The following PCDH9 variants were observed in gnomAD, a reference collection of about 807,000 sequenced individuals.
The protein encoded by PCDH9 is protocadherin 9.
A neutral mutation model predicts 70.6 loss-of-function variants in PCDH9; 24 were observed. The ratio of observed to expected loss-of-function variants is 0.34; its 90% CI spans 0.25 to 0.48. The LOEUF is 0.48. PCDH9 is among the 20% of genes least tolerant of loss of function. PCDH9 has a pLI of 0.99. For synonymous variants in PCDH9, 562 were observed against 558.5 expected, an observed-to-expected ratio of 1.01 and a Z score of -0.09; for missense variants, 1,281 against 1,503.6, an observed-to-expected ratio of 0.85 and a Z score of 2.45.
intron 2 of PCDH9, among the ~76,000 whole-genome samples, chr13:67,000,610 G>A (rs1594373690): frequency 6.6e-6 from 1 of 151,974 alleles, no homozygotes. Flanking sequence ...TTTTTATACA[G>A]TTAAACTAAA....
At chr13:66,701,704 T>C (rs553541490) in intron 3 of PCDH9, among the ~76,000 whole-genome samples, 1 of 152,320 alleles carries the variant, frequency 6.6e-6, no homozygotes, top group East Asian at 1.9e-4. Context: ...TTTTTTTCAG[T>C]AACAAGATAA....
intron 3 of PCDH9, among the ~76,000 whole-genome samples, chr13:66,778,970 T>C (rs1401320157): frequency 6.6e-6 from 1 of 152,214 alleles, no homozygotes; most frequent in Non-Finnish European, 1.5e-5. Context: ...TTCTTTCACA[T>C]TTTCTCATAT....
At chr13:67,113,330 C>G (rs1349271542) in intron 2 of PCDH9, among the ~76,000 whole-genome samples, 1 of 152,110 alleles carries the variant, frequency 6.6e-6, no homozygotes, top group Non-Finnish European at 1.5e-5. Flanking sequence ...CTGCATTTGT[C>G]CCTAGAAAAG....
intron 2 of PCDH9, among the ~76,000 whole-genome samples, chr13:67,191,101 T>C (rs2088897183): frequency 6.6e-6 from 1 of 152,116 alleles, no homozygotes. Flanking sequence ...CATATCATGA[T>C]GAATGTCTTG....
chr13:66,844,964 C>T (rs2081181238), intron 3 of PCDH9, among the ~76,000 whole-genome samples: 1 of 152,130 alleles, frequency 6.6e-6, no homozygotes, highest in African/African-American at 2.4e-5. Context: ...GTGCCTTTGC[C>T]TGAGTTTTGC....
chr13:66,559,155 AAT>A (rs753589129), intron 4 of PCDH9, among the ~76,000 whole-genome samples: 18 of 152,302 alleles, frequency 1.2e-4, no homozygotes, highest in South Asian at 6.2e-4. Flanking sequence ...AGGAGTAAAG[AAT>A]GAAAGATCTA....
intron 3 of PCDH9, among the ~76,000 whole-genome samples, chr13:66,714,661 G>C (rs1443701011): frequency 6.6e-6 from 1 of 152,052 alleles, no homozygotes; most frequent in Admixed American, 6.6e-5. Flanking sequence ...GAGTTAAGTT[G>C]AGATTATATT....
At chr13:66,382,251 T>TC (rs1229952329) in intron 4 of PCDH9, among the ~76,000 whole-genome samples, 1 of 152,188 alleles carries the variant, frequency 6.6e-6, no homozygotes, top group Non-Finnish European at 1.5e-5. Context: ...CTAATTCAAA[T>TC]CCAATGTGTA....
chr13:66,747,252 G>A (rs2079382303), intron 3 of PCDH9, among the ~76,000 whole-genome samples: 1 of 152,188 alleles, frequency 6.6e-6, no homozygotes, highest in African/African-American at 2.4e-5. Flanking sequence ...TCAGGAGGCT[G>A]AGGCAGGAGA....
chr13:66,368,850 T>C (rs553646081), intron 4 of PCDH9, among the ~76,000 whole-genome samples: 1 of 152,118 alleles, frequency 6.6e-6, no homozygotes, highest in South Asian at 2.1e-4. Flanking sequence ...AGAGAGCTTG[T>C]GCAGGGAAAC....
intron 3 of PCDH9, among the ~76,000 whole-genome samples, chr13:66,829,104 G>T (rs977532062): frequency 6.6e-6 from 1 of 152,000 alleles, no homozygotes. Flanking sequence ...TGCAACCTCC[G>T]CCTCCTGGGT....
intron 4 of PCDH9, among the ~76,000 whole-genome samples, chr13:66,561,983 C>T (rs1199506121): frequency 6.6e-6 from 1 of 152,068 alleles, no homozygotes; most frequent in Non-Finnish European, 1.5e-5. Flanking sequence ...CCACAAAGGT[C>T]TGCAGCTCCA....
At chr13:66,332,383 C>T in intron 4 of PCDH9, among the ~76,000 whole-genome samples, 1 of 151,132 alleles carries the variant, frequency 6.6e-6, no homozygotes, top group East Asian at 2.0e-4. Flanking sequence ...GAGAATGTTA[C>T]CAAGCCCTTT....
intron 3 of PCDH9, among the ~76,000 whole-genome samples, chr13:66,659,464 A>G (rs2139011851): frequency 6.6e-6 from 1 of 152,044 alleles, no homozygotes; most frequent in Admixed American, 6.5e-5. Flanking sequence ...CAGAAAAACA[A>G]CTGCTAAAAT....
chr13:67,002,307 CAAT>C (rs2084261369), intron 2 of PCDH9, among the ~76,000 whole-genome samples: 1 of 151,930 alleles, frequency 6.6e-6, no homozygotes. Flanking sequence ...ATAAGCTAGT[CAAT>C]AACTTCCTAA....
chr13:66,748,803 A>C (rs907846546), intron 3 of PCDH9, among the ~76,000 whole-genome samples: 1 of 152,194 alleles, frequency 6.6e-6, no homozygotes, highest in Admixed American at 6.5e-5. Flanking sequence ...TAAGAGCACA[A>C]AGAGCTTCAA....
chr13:66,887,034 AACACACACACACACACACACACAC>A (rs9317623), intron 3 of PCDH9, among the ~76,000 whole-genome samples: 24 of 143,972 alleles, frequency 1.7e-4, no homozygotes, highest in African/African-American at 5.9e-4. Flanking sequence ...CAAATATAAT[AACACACACACACACACACACACAC>A]ACACACACAC....
At chr13:66,980,106 A>ATCTC (rs917859517) in intron 2 of PCDH9, among the ~76,000 whole-genome samples, 4 of 151,744 alleles carry the variant, frequency 2.6e-5, no homozygotes, top group African/African-American at 9.7e-5. Flanking sequence ...CTATCTATCT[A>ATCTC]TCTATCTATC....
intron 2 of PCDH9, among the ~76,000 whole-genome samples, chr13:67,098,345 A>C (rs2086364180): frequency 6.6e-6 from 1 of 152,198 alleles, no homozygotes; most frequent in Non-Finnish European, 1.5e-5. Context: ...GTTGTTATAC[A>C]TCTAGAATTA....
Sources: allele counts gnomAD v4.1 joint callset (sites outside exome capture counted in the v4.1 genomes callset), GRCh38; gene constraint gnomAD v4.1.1; transcripts MANE v1.5; gene names NCBI Gene and HGNC (gene_info 2026-07-23, HGNC 2026-07-21).